CCDC171: variants seen among roughly 807,000 people sequenced by gnomAD.
CCDC171 encodes coiled-coil domain containing 171.
Under a neutral mutation model 168.2 loss-of-function variants are expected in CCDC171, and 177 were observed. The observed-to-expected ratio is 1.05, with a 90% confidence interval of 0.93 to 1.19. CCDC171 has a LOEUF of 1.19. Among genes scored for constraint, CCDC171 ranks in the 50% most tolerant of loss-of-function variants. The probability of loss-of-function intolerance (pLI) is 0.00; values close to 1 mark genes in which losing one functional copy is unlikely to be tolerated. For synonymous variants in CCDC171, 687 were observed against 540.8 expected (o/e 1.27, Z -3.75); for missense variants, 1,991 against 1,539.0 (o/e 1.29, Z -4.91).
intron 11 of CCDC171, among the ~76,000 whole-genome samples, chr9:15,719,036 G>T: frequency 6.6e-6 from 1 of 152,076 alleles, no homozygotes; most frequent in Non-Finnish European, 1.5e-5. Flanking sequence ...TGACCTTTCA[G>T]ATAGAGAATT....
intron 11 of CCDC171, among the ~76,000 whole-genome samples, chr9:15,720,159 A>G (rs868695439): frequency 1.1e-4 from 16 of 152,298 alleles, no homozygotes; most frequent in Middle Eastern, 6.8e-3. Flanking sequence ...AATGTCATAA[A>G]TATATTAATA....
At chr9:15,656,927 A>T (rs569985534) in intron 7 of CCDC171, among the ~76,000 whole-genome samples, 200 bp from the exon 8 acceptor site, 1 of 152,236 alleles carries the variant, frequency 6.6e-6, no homozygotes, top group African/African-American at 2.4e-5. Flanking sequence ...TTATACCTCT[A>T]TAAAGTGTAA....
At position 16,001,788 on chromosome 9, in the gene CCDC171, A is replaced by AT. The variant is rs1336645318; in HGVS notation, n.369-18800dup. Among the ~76,000 whole-genome samples the AT allele has an allele frequency of 3.9e-5, 6 of 151,984 alleles. No individual in the cohort carries two copies. In the East Asian group the frequency reaches 1.2e-3, roughly 29 times the overall value. On this transcript the variant is annotated intron_variant and non_coding_transcript_variant, in intron 3 of 9. Transcript: ENST00000486641. ...CTGGCACTAAAATTATGTATACTAC[A>AT]TAATACTTGGTAATAAATGACTATG...
intron 25 of CCDC171, among the ~76,000 whole-genome samples, chr9:15,925,976 G>A (rs2132069597): frequency 1.3e-5 from 2 of 151,736 alleles, no homozygotes; most frequent in Middle Eastern, 6.8e-3. Flanking sequence ...GAGGTATGGA[G>A]ACAGAGGTGA....
intron 7 of CCDC171, among the ~76,000 whole-genome samples, chr9:15,623,760 T>C (rs1391719244): frequency 2.0e-5 from 3 of 152,164 alleles, no homozygotes; most frequent in African/African-American, 7.2e-5. Context: ...AAAGTTTTGG[T>C]GTACATAGGT....
At position 15,779,132 on chromosome 9, in the gene CCDC171, A is replaced by G. The variant is rs897798931; in HGVS notation, c.3063A>G (p.Leu1021=). The change falls in exon 20 of 26, where the codon TTA becomes TTG. Residue 1021 remains leucine (L), a synonymous_variant. Coordinates refer to ENST00000380701, the MANE Select transcript of CCDC171 (RefSeq NM_173550.4). ...AAGCCCAGGGTCTGCAAATGCAATT[A>G]AATGAATTTAAGCAGTCTGTAAGTA... is the stretch of plus-strand genomic sequence containing the variant. The part of the protein sequence containing the change: ...LDKAQGLQMQ[L]NEFKQSKLIT... The G allele has an allele frequency of 1.0e-5, 16 of 1,579,486 alleles. No homozygotes were observed. The highest frequency in any genetic ancestry group is 1.7e-4 in the Middle Eastern group (1 of 5,970).
rs1307406870 is a variant in CCDC171, at chr9:15,944,825, TTTTCTTTCTTTTTTCTTTC to T, written c.3753+24415_3753+24433del. Among the ~76,000 whole-genome samples, 263 of 30,930 alleles carry T rather than the reference TTTTCTTTCTTTTTTCTTTC, an allele frequency of 8.5e-3. 3 individuals are homozygous for T. The highest frequency in any genetic ancestry group is 0.053 in the South Asian group (26 of 490). 20.3% of individuals were successfully genotyped at this position (30,930 alleles called of 152,430 possible). On this transcript the variant is annotated intron_variant, in intron 25 of 25. Transcript: ENST00000380701. ...AGCATGGTAGTTGGGTTAGAATTCT[TTTTCTTTCTTTTTTCTTTC>T]TTTCTTTCTTTCTTTCTTTCTTTCT...
chr9:15,585,846 C>G (rs533790358), intron 4 of CCDC171, among the ~76,000 whole-genome samples: 1 of 152,020 alleles, frequency 6.6e-6, no homozygotes, highest in African/African-American at 2.4e-5. Flanking sequence ...CATGGTAGTG[C>G]ACGCCTGTAA....
chr9:15,958,759 T>A (rs1830063433), intron 25 of CCDC171, among the ~76,000 whole-genome samples: 1 of 151,966 alleles, frequency 6.6e-6, no homozygotes, highest in Admixed American at 6.6e-5. Flanking sequence ...AGCAAAGCTG[T>A]TTTATGAGAA....
chr9:15,568,471 C>T (rs887116983), intron 2 of CCDC171, among the ~76,000 whole-genome samples: 8 of 152,094 alleles, frequency 5.3e-5, no homozygotes, highest in African/African-American at 1.2e-4. Context: ...GGGGTTTCAC[C>T]GTGTTAGCCA....
chr9:15,788,634 C>T (rs1317502709), intron 21 of CCDC171, among the ~76,000 whole-genome samples: 2 of 150,790 alleles, frequency 1.3e-5, no homozygotes, highest in South Asian at 2.1e-4. Flanking sequence ...GCCCAGGCCA[C>T]GACCTCCTAG....
chr9:15,829,744 T>A (rs1432206032), intron 21 of CCDC171, among the ~76,000 whole-genome samples: 2 of 151,744 alleles, frequency 1.3e-5, no homozygotes, highest in African/African-American at 2.4e-5. Flanking sequence ...ACATGGCAAA[T>A]CCCCATCTCT....
intron 3 of CCDC171, 99 bp from the exon 4 acceptor site, chr9:15,578,750 T>A (rs939470968): frequency 1.1e-6 from 1 of 886,712 alleles, no homozygotes; most frequent in Non-Finnish European, 1.7e-6. Context: ...TTTTGCCTTG[T>A]ATATATTATG....
At chr9:15,790,397 T>G (rs2058194316) in intron 21 of CCDC171, among the ~76,000 whole-genome samples, 1 of 152,246 alleles carries the variant, frequency 6.6e-6, no homozygotes, top group African/African-American at 2.4e-5. Context: ...ATGTCTTCTT[T>G]TGAGAAGTGT....
chr9:15,869,006 A>C (rs1462785899), intron 23 of CCDC171, among the ~76,000 whole-genome samples: 4 of 152,062 alleles, frequency 2.6e-5, no homozygotes, highest in Non-Finnish European at 5.9e-5. Flanking sequence ...TATTTATAGT[A>C]CCTAATACAA....
intron 3 of CCDC171, among the ~76,000 whole-genome samples, chr9:15,979,446 G>A (rs1035533388): frequency 6.6e-6 from 1 of 152,078 alleles, no homozygotes; most frequent in Admixed American, 6.6e-5. Flanking sequence ...CCTTTATCAG[G>A]TTGAAGATGT....
chr9:16,069,291 G>A, the CCDC171 span, among the ~76,000 whole-genome samples: 1 of 152,248 alleles, frequency 6.6e-6, no homozygotes, highest in African/African-American at 2.4e-5. Context: ...CCATTTTGGT[G>A]TTTTTGAGCA....
intron 24 of CCDC171, among the ~76,000 whole-genome samples, chr9:15,917,770 C>G (rs182520368): frequency 2.0e-5 from 3 of 151,712 alleles, no homozygotes; most frequent in Admixed American, 6.6e-5. Flanking sequence ...AAGGTCAATT[C>G]TCTTGTGACT....
Position 15,745,524 on chromosome 9 carries a change from A to C in CCDC171, c.2564A>C (p.Lys855Thr). The change falls in exon 18 of 26, where the codon AAG becomes ACG. Residue 855 changes from lysine (K) to threonine (T), a missense_variant. Physicochemically the swap from Lys to Thr is moderately conservative, Grantham distance 78. Coordinates refer to ENST00000380701, the MANE Select transcript of CCDC171 (RefSeq NM_173550.4). ...QDKHKFPKHQ[K>T]EQLRCLQALS... ...TTTTTCAATTTTATAGAACATCAAA[A>C]GGAGCAGTTGCGTTGTTTACAAGCG... The C allele has an allele frequency of 6.4e-7, 1 of 1,550,906 alleles. No individual in the cohort carries two copies. The highest frequency in any genetic ancestry group is 8.7e-7 in the Non-Finnish European group (1 of 1,155,962).
Sources: allele counts gnomAD v4.1 joint callset (sites outside exome capture counted in the v4.1 genomes callset), GRCh38; gene constraint gnomAD v4.1.1; transcripts MANE v1.5; gene names NCBI Gene and HGNC (gene_info 2026-07-23, HGNC 2026-07-21).